The following MALRD1 variants were observed in gnomAD, a reference collection of about 807,000 sequenced individuals.
The protein encoded by MALRD1 is MAM and LDL receptor class A domain containing 1, also known as MAM and LDL-receptor class A domain-containing protein 1.
MALRD1 carries 247 observed loss-of-function variants against 242.1 expected under a neutral mutation model. The ratio of observed to expected loss-of-function variants is 1.02; its 90% CI spans 0.92 to 1.13. The LOEUF (loss-of-function observed/expected upper bound fraction) is 1.13. MALRD1 is among the 50% of genes most tolerant of loss of function. The pLI is 0.00. For missense variants in MALRD1, 2,989 were observed against 2,533.1 expected, an observed-to-expected ratio of 1.18 and a Z score of -3.86; for synonymous variants, 995 against 866.6, an observed-to-expected ratio of 1.15 and a Z score of -2.60.
chr10:19,164,221 C>A (rs771400871), intron 12 of MALRD1, among the ~76,000 whole-genome samples: 2 of 152,100 alleles, frequency 1.3e-5, no homozygotes, highest in Non-Finnish European at 2.9e-5. Context: ...ATTAAGTAGA[C>A]ATTGATAAAA....
intron 22 of MALRD1, 112 bp downstream of exon 22, chr10:19,324,217 C>A: frequency 9.6e-7 from 1 of 1,044,322 alleles, no homozygotes; most frequent in Non-Finnish European, 1.4e-6. Flanking sequence ...CAATTACCAA[C>A]ACTTCACTAG....
At chr10:19,139,149 A>G (rs1485101619) in intron 10 of MALRD1, among the ~76,000 whole-genome samples, 3 of 152,206 alleles carry the variant, frequency 2.0e-5, no homozygotes, top group African/African-American at 4.8e-5. Context: ...GTAAATATAT[A>G]TACAATTATG....
chr10:19,068,304 T>C (rs1162008767), intron 2 of MALRD1, among the ~76,000 whole-genome samples: 1 of 152,052 alleles, frequency 6.6e-6, no homozygotes, highest in Non-Finnish European at 1.5e-5. Flanking sequence ...TTTCTGCCAT[T>C]TTCCCTCGTT....
chr10:19,144,876 A>C (rs1477544589), intron 10 of MALRD1, among the ~76,000 whole-genome samples: 3 of 152,170 alleles, frequency 2.0e-5, no homozygotes, highest in African/African-American at 7.2e-5. Flanking sequence ...ACATACTTGG[A>C]ACTCAGTGGT....
At chr10:19,700,653 C>T (rs544348516) in intron 38 of MALRD1, among the ~76,000 whole-genome samples, 1 of 152,292 alleles carries the variant, frequency 6.6e-6, no homozygotes, top group South Asian at 2.1e-4. Context: ...CTCTAACCCT[C>T]TGATTATTTT....
At chr10:19,598,209 AG>A (rs1838194621) in intron 34 of MALRD1, 1 of 152,190 alleles carries the variant, frequency 6.6e-6, no homozygotes, top group South Asian at 2.1e-4. Context: ...AGGGATGGTC[AG>A]GTGATGAGGA....
intron 21 of MALRD1, among the ~76,000 whole-genome samples, chr10:19,305,929 A>G (rs892123350): frequency 6.9e-5 from 9 of 130,130 alleles, no homozygotes; most frequent in African/African-American, 2.6e-4. Context: ...TATTATATGT[A>G]CTATGTAAAC....
intron 8 of MALRD1, among the ~76,000 whole-genome samples, chr10:19,129,143 G>T (rs755514000): frequency 4.4e-4 from 67 of 151,980 alleles, no homozygotes; most frequent in Non-Finnish European, 9.4e-4. Flanking sequence ...AGATAGTACA[G>T]ATTCCACAGG....
At chr10:19,317,552 AAGTT>A (rs1029953047) in intron 21 of MALRD1, among the ~76,000 whole-genome samples, 127 of 152,104 alleles carry the variant, frequency 8.3e-4, no homozygotes, top group African/African-American at 2.9e-3. Context: ...AAAACAGCCT[AAGTT>A]AGCACAGTGA....
chr10:19,674,825 C>T (rs1046265658), intron 36 of MALRD1, among the ~76,000 whole-genome samples: 5 of 151,780 alleles, frequency 3.3e-5, no homozygotes, highest in African/African-American at 1.2e-4. Context: ...TGCCCAGTTT[C>T]TGAATTATTT....
intron 31 of MALRD1, among the ~76,000 whole-genome samples, chr10:19,527,970 G>A (rs1834177187): frequency 6.6e-6 from 1 of 152,096 alleles, no homozygotes; most frequent in Admixed American, 6.6e-5. Flanking sequence ...TAATGAATAA[G>A]CCACCGTTCA....
chr10:19,223,738 C>T (rs558070540), intron 18 of MALRD1, among the ~76,000 whole-genome samples: 19 of 152,196 alleles, frequency 1.2e-4, no homozygotes, highest in African/African-American at 4.6e-4. Flanking sequence ...GTGATGTTCC[C>T]CTCCCTGTGT....
At chr10:19,506,136 C>G (rs1485304350) in intron 31 of MALRD1, among the ~76,000 whole-genome samples, 2 of 152,174 alleles carry the variant, frequency 1.3e-5, no homozygotes, top group African/African-American at 2.4e-5. Context: ...AAAGCACCTG[C>G]TATTCATCCT....
chr10:19,205,884 C>T (rs1044169583), intron 17 of MALRD1, among the ~76,000 whole-genome samples: 3 of 147,464 alleles, frequency 2.0e-5, no homozygotes, highest in African/African-American at 7.5e-5. Flanking sequence ...TGGTACAGTG[C>T]GGAAAATAAG....
At chr10:19,063,290 A>G (rs891567995) in intron 1 of MALRD1, among the ~76,000 whole-genome samples, 1 of 152,178 alleles carries the variant, frequency 6.6e-6, no homozygotes, top group Non-Finnish European at 1.5e-5. Flanking sequence ...CCCAGGGAAA[A>G]TTTTGAAATA....
At chr10:19,374,499 T>G (rs918169732) in intron 26 of MALRD1, among the ~76,000 whole-genome samples, 22 of 152,356 alleles carry the variant, frequency 1.4e-4, no homozygotes, top group African/African-American at 5.3e-4. Flanking sequence ...CTATGCAAAT[T>G]TTTGAAACAG....
chr10:19,427,550 G>A (rs1248829244), intron 28 of MALRD1, among the ~76,000 whole-genome samples: 1 of 152,130 alleles, frequency 6.6e-6, no homozygotes, highest in Non-Finnish European at 1.5e-5. Context: ...CCTAGTAGTG[G>A]ATGGTAGCAC....
intron 4 of MALRD1, among the ~76,000 whole-genome samples, chr10:19,098,416 A>G (rs1176883372): frequency 1.3e-5 from 2 of 152,202 alleles, no homozygotes; most frequent in Non-Finnish European, 2.9e-5. Context: ...AATAAAGACA[A>G]AAGATGAGCT....
In MALRD1 at chr10:19,332,943, A is replaced by G. The variant is rs140039200; in HGVS notation, c.3901+1361A>G. Among the ~76,000 whole-genome samples the G allele has an allele frequency of 3.4e-3, 522 of 152,214 alleles. 4 individuals carry two copies. Among genetic ancestry groups the G allele is most frequent in the African/African-American group, 0.012 (504 of 41,526 alleles). On this transcript the variant is annotated intron_variant, in intron 24 of 39. Transcript: ENST00000454679. Reference sequence around the variant, plus strand: ...CAACGTGCAGGTTTGTTACATAGGTATACACATGCCATGGTTGTTTGCTGC... The same window carrying G: ...CAACGTGCAGGTTTGTTACATAGGTGTACACATGCCATGGTTGTTTGCTGC...
Sources: allele counts gnomAD v4.1 joint callset (sites outside exome capture counted in the v4.1 genomes callset), GRCh38; gene constraint gnomAD v4.1.1; transcripts MANE v1.5; gene names NCBI Gene and HGNC (gene_info 2026-07-23, HGNC 2026-07-21).